EXT1: variants seen among roughly 807,000 people sequenced by gnomAD.
EXT1 encodes exostosin-1.
EXT1 carries 20 observed loss-of-function variants against 82.5 expected under a neutral mutation model. That is an observed-to-expected ratio of 0.24 (90% CI 0.17 to 0.35). EXT1 has a LOEUF of 0.35. Ranked by LOEUF, EXT1 falls within the 10% of genes least tolerant of loss-of-function variation. The pLI is 1.00. For synonymous variants in EXT1, 348 were observed against 350.8 expected (o/e 0.99, Z 0.09); for missense variants, 757 against 936.5 (o/e 0.81, Z 2.50).
At chr8:117,857,413 C>T (rs956056980) in intron 1 of EXT1, among the ~76,000 whole-genome samples, 6 of 152,080 alleles carry the variant, frequency 3.9e-5, no homozygotes, top group African/African-American at 1.2e-4. Context: ...TTCAGCCAGA[C>T]TAGGCATGGT....
intron 4 of EXT1, among the ~76,000 whole-genome samples, chr8:117,823,347 T>G (rs769711503): frequency 2.6e-5 from 4 of 152,120 alleles, no homozygotes; most frequent in Non-Finnish European, 4.4e-5. Context: ...CATCCTCCCA[T>G]CCCGAATCAT....
In EXT1 at chr8:118,110,423, C is replaced by T. The variant is rs1817875607; in HGVS notation, c.624G>A (p.Gly208=). ...CCAGCATCGCCTGGCCGATGTCAAACCCCACGTCCTCGGTGTAGTCAGGCC... is the reference window on the plus strand; with the variant it reads ...CCAGCATCGCCTGGCCGATGTCAAATCCCACGTCCTCGGTGTAGTCAGGCC... The part of the protein sequence containing the change: ...GTWPDYTEDV[G]FDIGQAMLAK... Residue 208 remains glycine, a synonymous_variant, in exon 1 of 11, where the codon GGG becomes GGA. Coordinates refer to ENST00000378204, the MANE Select transcript of EXT1 (RefSeq NM_000127.3). The T allele has an allele frequency of 6.2e-7, 1 of 1,613,978 alleles. No homozygotes were observed. Among genetic ancestry groups the T allele is most frequent in the Admixed American group, 1.7e-5 (1 of 59,972 alleles).
intron 1 of EXT1, among the ~76,000 whole-genome samples, chr8:118,092,932 G>A (rs1817548391): frequency 6.6e-6 from 1 of 152,162 alleles, no homozygotes; most frequent in African/African-American, 2.4e-5. Context: ...GGAGCAAACT[G>A]AGAAAGCTCC....
chr8:117,998,777 T>C (rs1296392958), intron 1 of EXT1, among the ~76,000 whole-genome samples: 1 of 152,150 alleles, frequency 6.6e-6, no homozygotes, highest in East Asian at 1.9e-4. Flanking sequence ...AACCCCCAAA[T>C]GAGTCAGAAT....
intron 1 of EXT1, among the ~76,000 whole-genome samples, chr8:118,052,931 TGTTGCA>T (rs1206317717): frequency 2.6e-5 from 4 of 152,194 alleles, no homozygotes; most frequent in Non-Finnish European, 5.9e-5. Flanking sequence ...AATCCTAGAC[TGTTGCA>T]GTGTTGGGGG....
At chr8:118,048,713 G>A (rs1278227151) in intron 1 of EXT1, among the ~76,000 whole-genome samples, 1 of 152,106 alleles carries the variant, frequency 6.6e-6, no homozygotes, top group African/African-American at 2.4e-5. Flanking sequence ...AAATATAGAA[G>A]TTAAGAAGCA....
chr8:118,003,414 A>T (rs750215268), intron 1 of EXT1, among the ~76,000 whole-genome samples: 170 of 151,396 alleles, frequency 1.1e-3, no homozygotes, highest in African/African-American at 2.8e-3. Context: ...AAAAAAAATT[A>T]AAAAAAAAGA....
chr8:118,022,326 C>CTTTTTTTT lies in EXT1; in HGVS notation c.962+87751_962+87758dup, dbSNP rs71307420. On this transcript the variant is annotated intron_variant, in intron 1 of 10. Transcript: ENST00000378204. Reference sequence around the variant, plus strand: ...ATACTTGGCCGGGCGCATATATATTCTTTTTTTTTTTTTTTTTTTTTTTTT... The same window carrying CTTTTTTTT: ...ATACTTGGCCGGGCGCATATATATTCTTTTTTTTTTTTTTTTTTTTTTTTTTTTTTTTT... Among the ~76,000 whole-genome samples the CTTTTTTTT allele has an allele frequency of 6.7e-4, 31 of 46,200 alleles. 3 individuals are homozygous for CTTTTTTTT. The highest frequency in any genetic ancestry group is 2.5e-3 in the East Asian group (3 of 1,204). 30.3% of individuals were successfully genotyped at this position (46,200 alleles called of 152,430 possible).
intron 5 of EXT1, 40 bp downstream of exon 5, chr8:117,822,425 A>T (rs1458963794): frequency 1.2e-6 from 2 of 1,609,088 alleles, no homozygotes. Context: ...TGACATCTTC[A>T]GGGTAAACAA....
At chr8:117,973,293 T>C (rs1224726724) in intron 1 of EXT1, among the ~76,000 whole-genome samples, 4 of 152,168 alleles carry the variant, frequency 2.6e-5, no homozygotes, top group African/African-American at 9.7e-5. Flanking sequence ...CTGTAACTGC[T>C]AGTGGAAACC....
intron 1 of EXT1, among the ~76,000 whole-genome samples, chr8:118,037,379 CTTT>C (rs5894410): frequency 1.1e-4 from 15 of 138,908 alleles, no homozygotes; most frequent in Admixed American, 7.2e-5. Context: ...AAAAAGATTC[CTTT>C]TTTTTTTTTT....
intron 1 of EXT1, among the ~76,000 whole-genome samples, chr8:118,099,662 A>C (rs1817682225): frequency 6.6e-6 from 1 of 152,200 alleles, no homozygotes; most frequent in African/African-American, 2.4e-5. Context: ...TGTCTGCTTC[A>C]GTTTCTTCAT....
intron 1 of EXT1, among the ~76,000 whole-genome samples, chr8:117,867,486 G>A (rs1812795251): frequency 6.6e-6 from 1 of 152,012 alleles, no homozygotes; most frequent in African/African-American, 2.4e-5. Context: ...GTGTGAACTG[G>A]CTACCTGCCC....
chr8:118,098,078 C>G (rs566824720), intron 1 of EXT1, among the ~76,000 whole-genome samples: 1 of 152,150 alleles, frequency 6.6e-6, no homozygotes, highest in African/African-American at 2.4e-5. Context: ...CAGAGCTTGC[C>G]TGCCTTAGTA....
intron 1 of EXT1, among the ~76,000 whole-genome samples, chr8:118,051,969 C>T (rs999965151): frequency 8.5e-5 from 13 of 152,150 alleles, no homozygotes; most frequent in South Asian, 6.2e-4. Context: ...AAGTAAAAGT[C>T]GGCAAGGGTG....
At chr8:117,946,588 G>T (rs935595675) in intron 1 of EXT1, among the ~76,000 whole-genome samples, 1 of 152,162 alleles carries the variant, frequency 6.6e-6, no homozygotes, top group Admixed American at 6.5e-5. Flanking sequence ...CGTAGCTTGG[G>T]CGAGCATGGA....
At chr8:117,938,538 T>A (rs1814213370) in intron 1 of EXT1, among the ~76,000 whole-genome samples, 1 of 152,184 alleles carries the variant, frequency 6.6e-6, no homozygotes, top group African/African-American at 2.4e-5. Flanking sequence ...ACACTTTGAG[T>A]GCTCCACAGT....
At chr8:117,992,229 T>C (rs536184903) in intron 1 of EXT1, among the ~76,000 whole-genome samples, 249 of 152,152 alleles carry the variant, frequency 1.6e-3, no homozygotes, top group Middle Eastern at 6.8e-3. Context: ...GGCTCAGGTC[T>C]CTTAGGAAGA....
chr8:117,822,764 G>A (rs1182529180), intron 4 of EXT1, among the ~76,000 whole-genome samples, 167 bp from the exon 5 acceptor site: 1 of 152,118 alleles, frequency 6.6e-6, no homozygotes, highest in African/African-American at 2.4e-5. Flanking sequence ...AGAGAGTAAT[G>A]GAGCAATGAA....
Sources: allele counts gnomAD v4.1 joint callset (sites outside exome capture counted in the v4.1 genomes callset), GRCh38; gene constraint gnomAD v4.1.1; transcripts MANE v1.5; gene names NCBI Gene and HGNC (gene_info 2026-07-23, HGNC 2026-07-21).